GRK5: variants seen among roughly 807,000 people sequenced by gnomAD.
GRK5 encodes the protein g protein-coupled receptor kinase GRK5.
Under a neutral mutation model 78.4 loss-of-function variants are expected in GRK5, and 40 were observed. The ratio of observed to expected loss-of-function variants is 0.51; its 90% CI spans 0.40 to 0.66. The LOEUF (loss-of-function observed/expected upper bound fraction) is 0.66, where lower values mean the gene tolerates loss of function less well. Among genes scored for constraint, GRK5 ranks in the 30% least tolerant of loss-of-function variants. GRK5 has a pLI of 0.00. For missense variants in GRK5, 598 were observed against 759.9 expected (o/e 0.79, Z 2.50); for synonymous variants, 289 against 296.8 (o/e 0.97, Z 0.27).
Position 119,307,598 on chromosome 10 carries a change from A to T in GRK5, c.53-18918A>T, listed in dbSNP as rs4752283. Among the ~76,000 whole-genome samples the T allele has an allele frequency of 8.9e-3, 1,349 of 152,282 alleles. 13 individuals carry two copies. The highest frequency in any genetic ancestry group is 0.013 in the Non-Finnish European group (879 of 68,032). On this transcript the variant is annotated intron_variant, in intron 1 of 15. Transcript: ENST00000392870. ...TTCTCCCCTGGAGTCTCCAGAAGGC[A>T]CACTGCCCTGCCGACACCTGGATTT...
intron 4 of GRK5, among the ~76,000 whole-genome samples, chr10:119,397,383 G>A (rs1852073059): frequency 6.6e-6 from 1 of 152,190 alleles, no homozygotes; most frequent in Non-Finnish European, 1.5e-5. Context: ...ACAGAAGTGT[G>A]TTCTCAACCC....
chr10:119,265,949 A>G (rs1461356366), intron 1 of GRK5, among the ~76,000 whole-genome samples: 1 of 152,106 alleles, frequency 6.6e-6, no homozygotes, highest in African/African-American at 2.4e-5. Context: ...TCATGGACTG[A>G]GCTGCCTCGG....
chr10:119,294,035 C>G (rs939267054), intron 1 of GRK5, among the ~76,000 whole-genome samples: 2 of 152,126 alleles, frequency 1.3e-5, no homozygotes, highest in African/African-American at 2.4e-5. Context: ...GACCCAGGAG[C>G]TGTGAAATGA....
chr10:119,211,351 T>C (rs1848483462), intron 1 of GRK5: 1 of 152,254 alleles, frequency 6.6e-6, no homozygotes, highest in Non-Finnish European at 1.5e-5. Context: ...CATTTCAGAA[T>C]CTCAGAAAAT....
intron 1 of GRK5, among the ~76,000 whole-genome samples, chr10:119,233,299 A>G (rs1221592410): frequency 6.6e-6 from 1 of 152,182 alleles, no homozygotes; most frequent in Non-Finnish European, 1.5e-5. Context: ...CATTGGTTCC[A>G]TCAGTGAGCA....
intron 1 of GRK5, among the ~76,000 whole-genome samples, chr10:119,282,961 G>A (rs1460410239): frequency 2.6e-5 from 4 of 152,226 alleles, no homozygotes; most frequent in Admixed American, 2.6e-4. Context: ...TCTAGGCCCT[G>A]AGTTACTGTG....
At chr10:119,261,435 G>C (rs1459124374) in intron 1 of GRK5, among the ~76,000 whole-genome samples, 2 of 149,014 alleles carry the variant, frequency 1.3e-5, no homozygotes, top group Non-Finnish European at 3.0e-5. Flanking sequence ...AGGCAGAGGG[G>C]CTCCTCACAT....
intron 2 of GRK5, among the ~76,000 whole-genome samples, chr10:119,349,195 G>C (rs1259140541): frequency 1.3e-5 from 2 of 152,206 alleles, no homozygotes; most frequent in Admixed American, 1.3e-4. Context: ...TGGTCAGCAT[G>C]GGAGGGAGGC....
intron 4 of GRK5, among the ~76,000 whole-genome samples, chr10:119,411,154 T>C (rs985869364): frequency 4.6e-5 from 7 of 152,032 alleles, no homozygotes; most frequent in Admixed American, 6.6e-5. Flanking sequence ...TTGAAGTCTC[T>C]TCCTGGCCTG....
chr10:119,315,372 C>T (rs982109641), intron 1 of GRK5, among the ~76,000 whole-genome samples: 19 of 152,294 alleles, frequency 1.2e-4, no homozygotes, highest in Admixed American at 1.1e-3. Flanking sequence ...GACTTAGAAT[C>T]AGTGAGAAGC....
chr10:119,298,751 C>T (rs1232632460), intron 1 of GRK5, among the ~76,000 whole-genome samples: 2 of 152,134 alleles, frequency 1.3e-5, no homozygotes, highest in Non-Finnish European at 2.9e-5. Flanking sequence ...GGACACCCTT[C>T]GTTCTTTTCA....
intron 1 of GRK5, among the ~76,000 whole-genome samples, chr10:119,310,763 C>T (rs1379349727): frequency 6.6e-6 from 1 of 152,138 alleles, no homozygotes; most frequent in East Asian, 1.9e-4. Context: ...CACCTCGTGC[C>T]TCACACAGTG....
intron 1 of GRK5, among the ~76,000 whole-genome samples, chr10:119,299,064 T>C (rs932530350): frequency 4.6e-5 from 7 of 152,238 alleles, no homozygotes; most frequent in Non-Finnish European, 8.8e-5. Context: ...TCATCTTCAG[T>C]GCCAAGAATA....
At chr10:119,268,232 T>C (rs1391038910) in intron 1 of GRK5, among the ~76,000 whole-genome samples, 1 of 152,248 alleles carries the variant, frequency 6.6e-6, no homozygotes, top group Non-Finnish European at 1.5e-5. Context: ...AAGTCAACTT[T>C]AGAACAAGCT....
In GRK5 at chr10:119,453,183, T is replaced by C; in HGVS notation, c.1581T>C (p.Phe527=). ...AATGCTTTAAGGAGCTGAACGTGTT[T>C]GGACCTAATGGTACCCTCCCGCCAG... ...ETECFKELNV[F]GPNGTLPPDL... is the part of the protein sequence containing the mutation. Residue 527 remains phenylalanine (F), a synonymous_variant, in exon 15 of 16, where the codon TTT becomes TTC. Transcript: ENST00000392870. 2 of 1,578,868 alleles carry C rather than the reference T, an allele frequency of 1.3e-6. No individual in the cohort carries two copies. Among genetic ancestry groups the C allele is most frequent in the African/African-American group, 1.3e-5 (1 of 74,268 alleles).
chr10:119,207,827 G>C lies in GRK5; in HGVS notation c.-91G>C, dbSNP rs573237429. On this transcript the variant is annotated 5_prime_UTR_variant, in exon 1 of 16. Coordinates refer to ENST00000392870, the MANE Select transcript of GRK5 (RefSeq NM_005308.3). ...TGGCTCCCCCGGCTCCGGCAGCAGC[G>C]GCGGCAGCCCGAGCAGCGGCAGCAG... 2 of 1,257,436 alleles carry C rather than the reference G, an allele frequency of 1.6e-6. No homozygotes were observed. The highest frequency in any genetic ancestry group is 3.1e-5 in the African/African-American group (2 of 63,850). 77.9% of individuals were successfully genotyped at this position (1,257,436 alleles called of 1,614,324 possible). A position where few individuals can be genotyped will look rare whatever the true frequency, so the allele number is the denominator to read the frequency against.
Position 119,443,776 on chromosome 10 carries a change from C to A in GRK5, c.1266+24C>A, listed in dbSNP as rs1227745720. The A allele has an allele frequency of 1.9e-6, 3 of 1,569,960 alleles. No individual in the cohort carries two copies. In the Admixed American group the frequency reaches 5.2e-5, roughly 27 times the overall value. ...TGGTGAGCTCCTGGTGGCCAGATGCCACCCTCAAGCTGGTGGCTCCCCTCC... is the reference window on the plus strand; with the variant it reads ...TGGTGAGCTCCTGGTGGCCAGATGCAACCCTCAAGCTGGTGGCTCCCCTCC... On this transcript the variant is annotated intron_variant, in intron 12 of 15. Transcript: ENST00000392870.
chr10:119,299,793 GATGTGT>G (rs68163708), intron 1 of GRK5, among the ~76,000 whole-genome samples: 43,517 of 117,636 alleles, frequency 0.37, 6,753 homozygotes, highest in East Asian at 0.71. Flanking sequence ...CATTTAAGCA[GATGTGT>G]GTGTGTGTGT....
At chr10:119,312,935 A>AATGGTGGTGCTGGTGGCTGTG (rs1850385425) in intron 1 of GRK5, among the ~76,000 whole-genome samples, 6 of 3,038 alleles carry the variant, frequency 2.0e-3, no homozygotes, top group Admixed American at 7.0e-3. Context: ...TGATGGTGGT[A>AATGGTGGTGCTGGTGGCTGTG]GTGATGGTGG....
Sources: allele counts gnomAD v4.1 joint callset (sites outside exome capture counted in the v4.1 genomes callset), GRCh38; gene constraint gnomAD v4.1.1; transcripts MANE v1.5; gene names NCBI Gene and HGNC (gene_info 2026-07-23, HGNC 2026-07-21).